The following ZNF518B variants were observed in gnomAD, a reference collection of about 807,000 sequenced individuals.
ZNF518B encodes zinc finger protein 518B.
A neutral mutation model predicts 56.3 loss-of-function variants in ZNF518B; 23 were observed. The observed-to-expected ratio is 0.41, with a 90% CI of 0.29 to 0.58. The LOEUF (loss-of-function observed/expected upper bound fraction) is 0.58. Among genes scored for constraint, ZNF518B ranks in the 20% least tolerant of loss-of-function variants. The probability of loss-of-function intolerance (pLI) is 0.32; values close to 1 mark genes in which losing one functional copy is unlikely to be tolerated. For missense variants in ZNF518B, 1,460 were observed against 1,272.1 expected, an observed-to-expected ratio of 1.15 and a Z score of -2.25; for synonymous variants, 529 against 465.9, an observed-to-expected ratio of 1.14 and a Z score of -1.74.
At chr4:10,455,236 C>CT (rs1715478916) in intron 1 of ZNF518B, among the ~76,000 whole-genome samples, 1 of 152,138 alleles carries the variant, frequency 6.6e-6, no homozygotes. Context: ...TTGATGCCTC[C>CT]CCACCCTCAC....
In ZNF518B at chr4:10,444,560, G is replaced by A; in HGVS notation, c.1769C>T (p.Ser590Phe). 2.5e-6 allele frequency: 4 copies of A among 1,614,096 alleles called. No homozygotes were observed. The highest frequency in any genetic ancestry group is 1.7e-5 in the Admixed American group (1 of 60,014). Reference sequence around the variant, plus strand: ...TAAATACTCACTCTTATGTTGAGAGGAAATCTGGCCTACAGTTGAAACTGC... The same window carrying A: ...TAAATACTCACTCTTATGTTGAGAGAAAATCTGGCCTACAGTTGAAACTGC... Reference protein sequence around the residue: ...HKAVSTVGQISSQHKSEYLHI... With the variant: ...HKAVSTVGQIFSQHKSEYLHI... The change falls in exon 3 of 3, where the codon TCC (serine) becomes TTC (phenylalanine). Residue 590 changes from serine (S) to phenylalanine (F), a missense_variant. Physicochemically the swap from Ser to Phe is radical, Grantham distance 155. Coordinates refer to ENST00000326756, the MANE Select transcript of ZNF518B (RefSeq NM_053042.3).
At chr4:10,461,315 A>G (rs942214039), upstream of ZNF518B, among the ~76,000 whole-genome samples, 7 of 152,120 alleles carry the variant, frequency 4.6e-5, no homozygotes. Context: ...CCTGGCCCGC[A>G]CACTCAGCTC....
upstream of ZNF518B, among the ~76,000 whole-genome samples, chr4:10,458,377 C>T (rs935491209): frequency 6.6e-6 from 1 of 152,180 alleles, no homozygotes; most frequent in Non-Finnish European, 1.5e-5. Context: ...CCATCACCTT[C>T]CTGTTGGCGG....
intron 2 of ZNF518B, chr4:10,452,090 G>C (rs1483864851): frequency 6.6e-6 from 1 of 152,152 alleles, no homozygotes; most frequent in East Asian, 1.9e-4. Context: ...TTTCAGGAAT[G>C]CTGACCCCAA....
intron 2 of ZNF518B, chr4:10,451,408 T>A (rs1429623684): frequency 6.6e-6 from 1 of 152,220 alleles, no homozygotes; most frequent in East Asian, 1.9e-4. Context: ...CCCAGCTCTA[T>A]CACTTTCTAG....
Position 10,444,061 on chromosome 4 carries a change from G to A in ZNF518B, c.2268C>T (p.Thr756=). The change falls in exon 3 of 3, where the codon ACC becomes ACT. Residue 756 remains threonine (T), a synonymous_variant. Transcript: ENST00000326756. ...PHFADGSNRK[T]KSRVARKAHV... is the part of the protein sequence containing the mutation. The stretch of plus-strand genomic sequence containing the variant: ...GAGCCTTCCTGGCCACTCTGCTTTT[G>A]GTTTTCCTATTACTGCCATCTGCAA... 6.2e-7 allele frequency: 1 copy of A among 1,614,148 alleles called. No homozygotes were observed. The highest frequency in any genetic ancestry group is 8.5e-7 in the Non-Finnish European group (1 of 1,180,038).
chr4:10,456,940 C>G (rs557088022), intron 1 of ZNF518B, among the ~76,000 whole-genome samples: 1 of 151,214 alleles, frequency 6.6e-6, no homozygotes, highest in South Asian at 2.1e-4. Flanking sequence ...ACGCTGCCAC[C>G]CCCGCCTCGG....
chr4:10,456,817 G>A (rs1329086513), intron 1 of ZNF518B, among the ~76,000 whole-genome samples: 1 of 152,142 alleles, frequency 6.6e-6, no homozygotes, highest in Non-Finnish European at 1.5e-5. Context: ...GCCTCCTGAC[G>A]ACACTTCCTG....
chr4:10,446,935 T>G (rs28526383), intron 2 of ZNF518B, among the ~76,000 whole-genome samples: 13,604 of 152,240 alleles, frequency 0.089, 1,687 homozygotes, highest in African/African-American at 0.27. Context: ...TTTGAACAAG[T>G]TAGTTATCAA....
Position 10,445,147 on chromosome 4 carries a change from T to G in ZNF518B, c.1182A>C (p.Gln394His). 2 of 1,614,244 alleles carry G rather than the reference T, an allele frequency of 1.2e-6. No individual in the cohort carries two copies. Among genetic ancestry groups the G allele is most frequent in the South Asian group, 2.2e-5 (2 of 91,084 alleles). ...TTTTTTCTGCAGAAAGTACTTTTTCTTGTTCATTTGAACCCTTCTCTTTCA... is the reference window on the plus strand; with the variant it reads ...TTTTTTCTGCAGAAAGTACTTTTTCGTGTTCATTTGAACCCTTCTCTTTCA... ...RMVKEKGSNE[Q>H]EKVLSAEKTK... Residue 394 changes from glutamine to histidine, a missense_variant, in exon 3 of 3, where the codon CAA becomes CAC. Transcript: ENST00000326756.
In ZNF518B at chr4:10,445,925, T is replaced by C; in HGVS notation, c.404A>G (p.Tyr135Cys). 1 of 1,614,252 alleles carries C rather than the reference T, an allele frequency of 6.2e-7. No homozygotes were observed. Among genetic ancestry groups the C allele is most frequent in the Non-Finnish European group, 8.5e-7 (1 of 1,180,046 alleles). Reference sequence around the variant, plus strand: ...AGAGAATCGACATTTATCACAATAGTATTTGCCTGGCTTAAAGTTCCTTAC... The same window carrying C: ...AGAGAATCGACATTTATCACAATAGCATTTGCCTGGCTTAAAGTTCCTTAC... ...FKVRNFKPGKYYCDKCRFSTK... is the reference protein window; with the variant it reads ...FKVRNFKPGKCYCDKCRFSTK... The change falls in exon 3 of 3, where the codon TAC becomes TGC. Residue 135 changes from tyrosine (Y) to cysteine (C), a missense_variant. By Grantham distance (194) the Tyr-to-Cys change is radical (BLOSUM62 -2). Transcript: ENST00000326756.
Position 10,443,622 on chromosome 4 carries a change from T to TTTTG in ZNF518B, c.2703_2706dup (p.Ile903GlnfsTer5). ...AGACAGCGGCTAGGTTCAGCTTGAA[T>TTTTG]TTTGTTTTTCTTCCTGGATAAGTGT... On this transcript the variant is annotated frameshift_variant, in exon 3 of 3. Transcript: ENST00000326756. LOFTEE classifies it high-confidence loss of function. The TTTTG allele has an allele frequency of 6.2e-7, 1 of 1,614,118 alleles. No homozygotes were observed. Among genetic ancestry groups the TTTTG allele is most frequent in the Non-Finnish European group, 8.5e-7 (1 of 1,179,996 alleles).
rs1299428813 is a variant in ZNF518B, at chr4:10,440,529, C to T, written c.*2575G>A. Reference sequence around the variant, plus strand: ...AAATGTGTTTATTTCATAACATGTACCTACAGGTTAAGCTATCTTCTAAAG... The same window carrying T: ...AAATGTGTTTATTTCATAACATGTATCTACAGGTTAAGCTATCTTCTAAAG... On this transcript the variant is annotated 3_prime_UTR_variant, in exon 3 of 3. Transcript: ENST00000326756. 6.6e-6 allele frequency: 1 copy of T among 152,572 alleles called. No individual in the cohort carries two copies. The highest frequency in any genetic ancestry group is 1.5e-5 in the Non-Finnish European group (1 of 68,020). The allele number at this position is 152,572 out of a possible 1,614,324, so 9.5% of individuals were successfully genotyped here.
At position 10,441,948 on chromosome 4, in the gene ZNF518B, G is replaced by A. The variant is rs1479122311; in HGVS notation, c.*1156C>T. 6.6e-6 allele frequency: 1 copy of A among 152,158 alleles called. No individual in the cohort carries two copies. The highest frequency in any genetic ancestry group is 2.4e-5 in the African/African-American group (1 of 41,424). 9.4% of individuals were successfully genotyped at this position (152,158 alleles called of 1,614,324 possible). A position where few individuals can be genotyped will look rare whatever the true frequency, so the allele number is the denominator to read the frequency against. On this transcript the variant is annotated 3_prime_UTR_variant, in exon 3 of 3. Coordinates refer to ENST00000326756, the MANE Select transcript of ZNF518B (RefSeq NM_053042.3). ...TGTAACTTTAGCAAAAACAGTGGGA[G>A]GTCTCCATTTTGTTGATTCCTGCCA...
At position 10,445,174 on chromosome 4, in the gene ZNF518B, C is replaced by T; in HGVS notation, c.1155G>A (p.Met385Ile). 3.7e-6 allele frequency: 6 copies of T among 1,614,214 alleles called. No individual in the cohort carries two copies. Among genetic ancestry groups the T allele is most frequent in the Non-Finnish European group, 5.1e-6 (6 of 1,180,038 alleles). Residue 385 changes from methionine to isoleucine, a missense_variant, in exon 3 of 3, where the codon ATG (methionine) becomes ATA (isoleucine). Physicochemically the swap from Met to Ile is conservative, Grantham distance 10 (BLOSUM62 1). Transcript: ENST00000326756. Reference sequence around the variant, plus strand: ...GTTCATTTGAACCCTTCTCTTTCACCATACGTTCAGAATTACCTCCATTAT... The same window carrying T: ...GTTCATTTGAACCCTTCTCTTTCACTATACGTTCAGAATTACCTCCATTAT... ...GRDNGGNSERMVKEKGSNEQE... is the reference protein window; with the variant it reads ...GRDNGGNSERIVKEKGSNEQE...
chr4:10,459,355 T>C (rs567765192), upstream of ZNF518B, among the ~76,000 whole-genome samples: 6 of 152,076 alleles, frequency 3.9e-5, no homozygotes, highest in African/African-American at 1.4e-4. Flanking sequence ...AAAAGTCTTT[T>C]GATGCTTGCA....
chr4:10,447,199 C>G (rs1470700989), intron 2 of ZNF518B, among the ~76,000 whole-genome samples: 1 of 152,192 alleles, frequency 6.6e-6, no homozygotes, highest in African/African-American at 2.4e-5. Flanking sequence ...GTGATGCACA[C>G]ACTGCACAGG....
chr4:10,445,288 C>T lies in ZNF518B; in HGVS notation c.1041G>A (p.Leu347=), dbSNP rs1042627755. The T allele has an allele frequency of 6.8e-6, 11 of 1,614,086 alleles. No individual in the cohort carries two copies. The highest frequency in any genetic ancestry group is 4.4e-5 in the South Asian group (4 of 91,074). ...LVVPANCLAQ[L]IDVKVVNGTQ... is the part of the protein sequence containing the mutation. ...TACCATTGACAACCTTCACATCTATCAACTGGGCTAAACAGTTTGCAGGGA... is the reference window on the plus strand; with the variant it reads ...TACCATTGACAACCTTCACATCTATTAACTGGGCTAAACAGTTTGCAGGGA... Residue 347 remains leucine, a synonymous_variant, in exon 3 of 3, where the codon TTG becomes TTA. Coordinates refer to ENST00000326756, the MANE Select transcript of ZNF518B (RefSeq NM_053042.3).
At position 10,440,231 on chromosome 4, in the gene ZNF518B, C is replaced by T. The variant is rs1162482291; in HGVS notation, c.*2873G>A. ...TTAATGAAGGCTTACAAGATGTTCT[C>T]GACTGGGGATACAAAATTGAATATA... On this transcript the variant is annotated 3_prime_UTR_variant, in exon 3 of 3. Coordinates refer to ENST00000326756, the MANE Select transcript of ZNF518B (RefSeq NM_053042.3). The T allele has an allele frequency of 6.6e-6, 1 of 151,610 alleles. No individual in the cohort carries two copies. Among genetic ancestry groups the T allele is most frequent in the South Asian group, 2.1e-4 (1 of 4,804 alleles). 9.4% of individuals were successfully genotyped at this position (151,610 alleles called of 1,614,324 possible).
Sources: gnomAD v4.1 joint callset for allele counts (sites outside exome capture counted in the v4.1 genomes callset) on GRCh38, gnomAD v4.1.1 for gene constraint, MANE v1.5 for transcripts, NCBI Gene and HGNC (gene_info 2026-07-23, HGNC 2026-07-21) for gene names.